The following GCH1 variants were observed in gnomAD, a reference collection of about 807,000 sequenced individuals.
GCH1 encodes the protein GTP cyclohydrolase I.
A neutral mutation model predicts 25.9 loss-of-function variants in GCH1; 5 were observed. That is an observed-to-expected ratio of 0.19 (90% CI 0.10 to 0.41). The LOEUF (loss-of-function observed/expected upper bound fraction) is 0.41, where lower values mean the gene tolerates loss of function less well. Among genes scored for constraint, GCH1 ranks in the 10% least tolerant of loss-of-function variants. The pLI, the probability that GCH1 is intolerant of heterozygous loss-of-function variation, is 1.00. For synonymous variants in GCH1, 159 were observed against 129.6 expected, an observed-to-expected ratio of 1.23 and a Z score of -1.54; for missense variants, 261 against 336.5, an observed-to-expected ratio of 0.78 and a Z score of 1.75.
chr14:54,891,703 T>A (rs958851745), intron 1 of GCH1, among the ~76,000 whole-genome samples: 1 of 152,132 alleles, frequency 6.6e-6, no homozygotes, highest in Non-Finnish European at 1.5e-5. Flanking sequence ...AGCCATCGCA[T>A]CCAGCCAACA....
chr14:54,871,158 G>C (rs1175596926), intron 1 of GCH1, among the ~76,000 whole-genome samples: 1 of 152,188 alleles, frequency 6.6e-6, no homozygotes, highest in African/African-American at 2.4e-5. Flanking sequence ...AACTTCCAGA[G>C]GAACGATCAG....
chr14:54,845,811 C>T lies in GCH1; in HGVS notation c.583G>A (p.Glu195Lys). Residue 195 changes from glutamate (E) to lysine (K), a missense_variant, in exon 5 of 6, where the codon GAA becomes AAA. Around this residue, in one of 3 missense-constraint regions of GCH1, gnomAD observed 130 missense variants for 184.1 expected, o/e 0.71. Transcript: ENST00000491895. ...CCGACTCCAGCAGGCCGCAAGGCTT[C>T]CGTGATTGCTACAGCAATTTGTTTT... The part of the protein sequence containing the change: ...LTKQIAVAIT[E>K]ALRPAGVGVV... The T allele has an allele frequency of 6.2e-7, 1 of 1,611,358 alleles. No homozygotes were observed. Among genetic ancestry groups the T allele is most frequent in the Non-Finnish European group, 8.5e-7 (1 of 1,177,442 alleles).
chr14:54,899,300 A>G lies in GCH1; in HGVS notation c.343+3021T>C, dbSNP rs372336451. On this transcript the variant is annotated intron_variant, in intron 1 of 5. Coordinates refer to ENST00000491895, the MANE Select transcript of GCH1 (RefSeq NM_000161.3). Reference sequence around the variant, plus strand: ...ACATGGCAAAAACCCGTCTCTATCAAAAATACAAAAATTAGCAGGGCATGG... The same window carrying G: ...ACATGGCAAAAACCCGTCTCTATCAGAAATACAAAAATTAGCAGGGCATGG... 1.7e-4 allele frequency among the ~76,000 whole-genome samples: 26 copies of G among 152,182 alleles called. No homozygotes were observed. In the East Asian group the frequency reaches 1.9e-3, roughly 11 times the overall value.
chr14:54,854,813 A>G (rs2039784184), intron 3 of GCH1, among the ~76,000 whole-genome samples: 1 of 152,248 alleles, frequency 6.6e-6, no homozygotes, highest in Admixed American at 6.5e-5. Context: ...TCAGTTTGGC[A>G]AAGATTTAAA....
chr14:54,880,616 CAT>C lies in GCH1; in HGVS notation c.344-15182_344-15181del, dbSNP rs1319027866. On this transcript the variant is annotated intron_variant, in intron 1 of 5. Transcript: ENST00000491895. Reference sequence around the variant, plus strand: ...ATATACTCCATATATATATATACTCCATATATATATACTCCATATATATATAC... The same window carrying C: ...ATATACTCCATATATATATATACTCCATATATATACTCCATATATATATAC... Among the ~76,000 whole-genome samples, 3 of 12,736 alleles carry C rather than the reference CAT, an allele frequency of 2.4e-4. 1 individual carries two copies. Among genetic ancestry groups the C allele is most frequent in the Admixed American group, 1.6e-3 (1 of 624 alleles). The allele number at this position is 12,736 out of a possible 152,430, so 8.4% of individuals were successfully genotyped here.
At chr14:54,869,534 G>GC (rs2040039065) in intron 1 of GCH1, among the ~76,000 whole-genome samples, 1 of 152,086 alleles carries the variant, frequency 6.6e-6, no homozygotes, top group Admixed American at 6.6e-5. Flanking sequence ...AGGCTGGAGT[G>GC]CAATGGCACA....
intron 1 of GCH1, among the ~76,000 whole-genome samples, chr14:54,881,643 C>T (rs2040274016): frequency 1.3e-5 from 2 of 152,278 alleles, no homozygotes; most frequent in Middle Eastern, 3.4e-3. Context: ...CAACCAGTCA[C>T]ACCATCTGCT....
intron 1 of GCH1, among the ~76,000 whole-genome samples, chr14:54,876,042 G>GT (rs2040154616): frequency 6.6e-6 from 1 of 152,160 alleles, no homozygotes; most frequent in African/African-American, 2.4e-5. Context: ...AAAGACACAT[G>GT]CACACGTATG....
chr14:54,897,237 C>T lies in GCH1; in HGVS notation c.343+5084G>A, dbSNP rs575460304. 1.9e-3 allele frequency among the ~76,000 whole-genome samples: 280 copies of T among 150,994 alleles called. 1 individual carries two copies. The highest frequency in any genetic ancestry group is 6.6e-3 in the African/African-American group (270 of 41,050). Reference sequence around the variant, plus strand: ...TCTTGACCTCGTTATTTGCCCACCTCAGCCTCCCAAAGTGCTGGGATTACA... The same window carrying T: ...TCTTGACCTCGTTATTTGCCCACCTTAGCCTCCCAAAGTGCTGGGATTACA... On this transcript the variant is annotated intron_variant, in intron 1 of 5. Transcript: ENST00000491895.
intron 1 of GCH1, among the ~76,000 whole-genome samples, chr14:54,876,748 T>C (rs2040167528): frequency 6.6e-6 from 1 of 152,084 alleles, no homozygotes; most frequent in Non-Finnish European, 1.5e-5. Context: ...GGAGGAGCTA[T>C]GAACATATGA....
intron 2 of GCH1, among the ~76,000 whole-genome samples, chr14:54,862,379 CTTTTTTTTTTTTTT>C (rs892910613): frequency 1.7e-5 from 1 of 57,398 alleles, no homozygotes; most frequent in Non-Finnish European, 3.6e-5. Context: ...AAGCACTACT[CTTTTTTTTTTTTTT>C]TTTTTTTTTG....
intron 1 of GCH1, among the ~76,000 whole-genome samples, chr14:54,898,804 G>A (rs937564312): frequency 1.3e-5 from 2 of 152,232 alleles, no homozygotes; most frequent in Admixed American, 6.5e-5. Flanking sequence ...ATGTTTAGTA[G>A]AGATGGGGTT....
intron 2 of GCH1, among the ~76,000 whole-genome samples, chr14:54,860,121 T>C (rs1158894883): frequency 1.3e-5 from 2 of 152,162 alleles, no homozygotes; most frequent in Non-Finnish European, 2.9e-5. Context: ...TATACAGGTT[T>C]TGTATCCTGC....
chr14:54,900,161 G>A (rs2040543147), intron 1 of GCH1, among the ~76,000 whole-genome samples: 1 of 151,160 alleles, frequency 6.6e-6, no homozygotes, highest in South Asian at 2.1e-4. Flanking sequence ...CACCGCGCCC[G>A]GCCCATGGAC....
Position 54,843,445 on chromosome 14 carries a change from CAT to C in GCH1, c.*570_*571del, listed in dbSNP as rs2039590476. On this transcript the variant is annotated 3_prime_UTR_variant, in exon 6 of 6. Transcript: ENST00000491895. ...TTTTAACTCACAGTAAAATCAAAAA[CAT>C]AGACATTCCACCACCTTCCCTTGGT... 1 of 1,230,052 alleles carries C rather than the reference CAT, an allele frequency of 8.1e-7. No individual in the cohort carries two copies. The highest frequency in any genetic ancestry group is 1.5e-5 in the African/African-American group (1 of 64,610). The allele number at this position is 1,230,052 out of a possible 1,614,324, so 76.2% of individuals were successfully genotyped here.
intron 1 of GCH1, among the ~76,000 whole-genome samples, chr14:54,880,426 T>C (rs1171256768): frequency 4.1e-5 from 5 of 122,620 alleles, no homozygotes; most frequent in South Asian, 2.6e-4. Context: ...AATATATATA[T>C]ACTCCATATA....
chr14:54,877,002 G>A (rs2040171792), intron 1 of GCH1, among the ~76,000 whole-genome samples: 2 of 152,172 alleles, frequency 1.3e-5, no homozygotes, highest in South Asian at 2.1e-4. Flanking sequence ...ACAGCTAAAT[G>A]CTTCATGTGA....
At position 54,843,387 on chromosome 14, in the gene GCH1, A is replaced by G; in HGVS notation, c.*630T>C. 8.1e-7 allele frequency: 1 copy of G among 1,240,248 alleles called. No homozygotes were observed. The highest frequency in any genetic ancestry group is 2.5e-5 in the South Asian group (1 of 40,386). The allele number at this position is 1,240,248 out of a possible 1,614,324, so 76.8% of individuals were successfully genotyped here. On this transcript the variant is annotated 3_prime_UTR_variant, in exon 6 of 6. Transcript: ENST00000491895. ...ACCAGGAACTAATTCCCTATTCTTG[A>G]ATTTAAAAACAATAGAAGGTAGAAA...
At chr14:54,857,354 G>A (rs1480771972) in intron 3 of GCH1, among the ~76,000 whole-genome samples, 1 of 152,128 alleles carries the variant, frequency 6.6e-6, no homozygotes, top group Admixed American at 6.6e-5. Context: ...TTTATTGTAT[G>A]ATCTCACTGA....
Sources: gnomAD v4.1 joint callset for allele counts (sites outside exome capture counted in the v4.1 genomes callset) on GRCh38, gnomAD v4.1.1 for gene constraint, gnomAD v4.1.1 regional missense constraint, MANE v1.5 for transcripts, NCBI Gene and HGNC (gene_info 2026-07-23, HGNC 2026-07-21) for gene names.